The following DIO2 variants were observed in gnomAD, a reference collection of about 807,000 sequenced individuals.
DIO2 encodes the protein iodothyronine deiodinase 2.
Under a neutral mutation model 21.4 loss-of-function variants are expected in DIO2, and 19 were observed. That is an observed-to-expected ratio of 0.89 (90% CI 0.62 to 1.30). The LOEUF is 1.30. Among genes scored for constraint, DIO2 ranks in the 50% most tolerant of loss-of-function variants. DIO2 has a pLI of 0.00. For missense variants in DIO2, 302 were observed against 338.1 expected (o/e 0.89, Z 0.84); for synonymous variants, 122 against 132.9 (o/e 0.92, Z 0.57).
In DIO2 at chr14:80,201,337, T is replaced by C. The variant is rs1330089739; in HGVS notation, c.*1352A>G. The C allele has an allele frequency of 6.6e-6, 1 of 152,178 alleles. No individual in the cohort carries two copies. The highest frequency in any genetic ancestry group is 1.9e-4 in the East Asian group (1 of 5,192). The allele number at this position is 152,178 out of a possible 1,614,324, so 9.4% of individuals were successfully genotyped here. On this transcript the variant is annotated 3_prime_UTR_variant, in exon 2 of 2. Transcript: ENST00000438257. ...CAAAATGATTGATCAGAATTATCTCTAACTTCCTCTTCTTCTATTTTGCAA... is the reference window on the plus strand; with the variant it reads ...CAAAATGATTGATCAGAATTATCTCCAACTTCCTCTTCTTCTATTTTGCAA...
intron 1 of DIO2, 22 bp from the exon 2 acceptor site, chr14:80,203,310 AAG>A (rs1491340287): frequency 1.4e-4 from 192 of 1,388,436 alleles, no homozygotes; most frequent in African/African-American, 4.2e-4. Context: ...AAAAAAAAAA[AAG>A]AAGAAGAAGA....
upstream of DIO2, among the ~76,000 whole-genome samples, chr14:80,212,515 A>T (rs1797655750): frequency 6.6e-6 from 1 of 152,154 alleles, no homozygotes; most frequent in African/African-American, 2.4e-5. Flanking sequence ...TATCATTATC[A>T]TTAATTTATG....
rs756684593 is a variant in DIO2, at chr14:80,211,322, A to T, written c.151T>A (p.Trp51Arg). The T allele has an allele frequency of 6.2e-7, 1 of 1,613,162 alleles. No individual in the cohort carries two copies. The highest frequency in any genetic ancestry group is 1.1e-5 in the South Asian group (1 of 91,042). The change falls in exon 1 of 2, where the codon TGG (tryptophan) becomes AGG (arginine). Residue 51 changes from tryptophan (W) to arginine (R), a missense_variant. Coordinates refer to ENST00000438257, the MANE Select transcript of DIO2 (RefSeq NM_013989.5). ...CCCTCTGAGGTCAGCATGCGCCGCC[A>T]CTCTCCGCGAGTGGACTTGGAGCGG... Reference protein sequence around the residue: ...LSRSKSTRGEWRRMLTSEGLR... With the variant: ...LSRSKSTRGERRRMLTSEGLR...
chr14:80,227,490 A>G (rs1888599938), intron 2 of DIO2, among the ~76,000 whole-genome samples: 1 of 152,238 alleles, frequency 6.6e-6, no homozygotes, highest in Non-Finnish European at 1.5e-5. Context: ...TTGATGACCC[A>G]TAGTCAAACA....
In DIO2 at chr14:80,198,890, T is replaced by C. The variant is rs948387051; in HGVS notation, c.*3799A>G. 6.6e-6 allele frequency: 1 copy of C among 152,152 alleles called. No homozygotes were observed. 9.4% of individuals were successfully genotyped at this position (152,152 alleles called of 1,614,324 possible). A position where few individuals can be genotyped will look rare whatever the true frequency, so the allele number is the denominator to read the frequency against. On this transcript the variant is annotated 3_prime_UTR_variant, in exon 2 of 2. Coordinates refer to ENST00000438257, the MANE Select transcript of DIO2 (RefSeq NM_013989.5). ...CTCTAAATGCTAGTAAAGGTTTTCA[T>C]TAATCCTTCAGTGGGACGGAAGTCA... is the stretch of plus-strand genomic sequence containing the variant.
Position 80,198,718 on chromosome 14 carries a change from T to C in DIO2, c.*3971A>G, listed in dbSNP as rs1403964685. 1 of 150,246 alleles carries C rather than the reference T, an allele frequency of 6.7e-6. No homozygotes were observed. Among genetic ancestry groups the C allele is most frequent in the African/African-American group, 2.5e-5 (1 of 40,724 alleles). The allele number at this position is 150,246 out of a possible 1,614,324, so 9.3% of individuals were successfully genotyped here. ...TCTATTTTTAGAGTGAAGGAGGAAG[T>C]TGGAATCTAACTATATATATTTTAA... On this transcript the variant is annotated 3_prime_UTR_variant, in exon 2 of 2. Transcript: ENST00000438257.
At chr14:80,225,291 C>A (rs1014634446) in intron 2 of DIO2, among the ~76,000 whole-genome samples, 3 of 152,116 alleles carry the variant, frequency 2.0e-5, no homozygotes, top group African/African-American at 7.2e-5. Flanking sequence ...CTCCTGAGAT[C>A]ACACATAGTC....
At chr14:80,206,399 T>C (rs1887959163) in intron 1 of DIO2, 1 of 920,318 alleles carries the variant, frequency 1.1e-6, no homozygotes, top group Non-Finnish European at 1.6e-6. Context: ...TAAAAGAAAA[T>C]ATTCTAAAAG....
intron 2 of DIO2, among the ~76,000 whole-genome samples, chr14:80,228,645 C>T (rs1594884774): frequency 6.6e-6 from 1 of 152,202 alleles, no homozygotes; most frequent in African/African-American, 2.4e-5. Flanking sequence ...ATAGCCCTCA[C>T]CCTACCAGGC....
chr14:80,205,405 T>C (rs1322097125), intron 1 of DIO2, among the ~76,000 whole-genome samples: 1 of 152,198 alleles, frequency 6.6e-6, no homozygotes, highest in African/African-American at 2.4e-5. Flanking sequence ...TGTACACTTG[T>C]AGGTTCTTGA....
chr14:80,222,311 C>T (rs563378889), intron 2 of DIO2, among the ~76,000 whole-genome samples: 3 of 152,134 alleles, frequency 2.0e-5, no homozygotes, highest in Non-Finnish European at 4.4e-5. Context: ...TGATAGCCAA[C>T]GTTATGAGAC....
At position 80,202,288 on chromosome 14, in the gene DIO2, C is replaced by A; in HGVS notation, c.*401G>T. The A allele has an allele frequency of 1.9e-6, 1 of 521,784 alleles. No homozygotes were observed. Among genetic ancestry groups the A allele is most frequent in the Non-Finnish European group, 3.8e-6 (1 of 262,364 alleles). The allele number at this position is 521,784 out of a possible 1,614,324, so 32.3% of individuals were successfully genotyped here. Reference sequence around the variant, plus strand: ...TGGGCTCCATCCATGCCAAATAGAGCCAAGGCAATACCCTTTATCTTAACG... The same window carrying A: ...TGGGCTCCATCCATGCCAAATAGAGACAAGGCAATACCCTTTATCTTAACG... On this transcript the variant is annotated 3_prime_UTR_variant, in exon 2 of 2. Transcript: ENST00000438257.
intron 1 of DIO2, chr14:80,205,501 CCT>C (rs1326776783): frequency 1.4e-5 from 12 of 838,328 alleles, no homozygotes; most frequent in East Asian, 9.8e-5. Flanking sequence ...CCTCTAACCC[CCT>C]GATTCATCCG....
chr14:80,223,700 A>T (rs1055068123), intron 2 of DIO2, among the ~76,000 whole-genome samples: 1 of 152,330 alleles, frequency 6.6e-6, no homozygotes, highest in African/African-American at 2.4e-5. Context: ...TCTCTGAGGG[A>T]ACAGCATATC....
chr14:80,221,880 A>C (rs938160964), intron 2 of DIO2, among the ~76,000 whole-genome samples: 3 of 152,202 alleles, frequency 2.0e-5, no homozygotes, highest in Non-Finnish European at 2.9e-5. Context: ...TTGTCCTACA[A>C]GTAATAATCT....
Position 80,211,257 on chromosome 14 carries a change from G to A in DIO2, c.216C>T (p.Tyr72=). ...CCTTCTCAGCTCAGCTCACCTGTTTGTAGGCATCGAGGAGGAAGCTCTTCC... is the reference window on the plus strand; with the variant it reads ...CCTTCTCAGCTCAGCTCACCTGTTTATAGGCATCGAGGAGGAAGCTCTTCC... The part of the protein sequence containing the change: ...CVWKSFLLDA[Y]KQVKLGEDAP... The change falls in exon 1 of 2, where the codon TAC becomes TAT. Residue 72 remains tyrosine, a synonymous_variant. Transcript: ENST00000438257. The A allele has an allele frequency of 6.2e-7, 1 of 1,609,680 alleles. No homozygotes were observed. Among genetic ancestry groups the A allele is most frequent in the Non-Finnish European group, 8.5e-7 (1 of 1,179,538 alleles).
At position 80,205,476 on chromosome 14, in the gene DIO2, G is replaced by A. The variant is rs147449827; in HGVS notation, c.223-2188C>T. ...TTTGAAACCCATGAACAATTATGTG[G>A]CCTTGACAAATGCGCCTCTAACCCC... On this transcript the variant is annotated intron_variant, in intron 1 of 1. Transcript: ENST00000438257. The A allele has an allele frequency of 2.4e-4, 128 of 524,618 alleles. No individual in the cohort carries two copies. The African/African-American group carries it at 2.5e-3, about 10-fold the overall frequency. 32.5% of individuals were successfully genotyped at this position (524,618 alleles called of 1,614,324 possible).
In DIO2 at chr14:80,197,846, T is replaced by A. The variant is rs1351098984; in HGVS notation, c.*4843A>T. 2.0e-5 allele frequency: 3 copies of A among 152,628 alleles called. No homozygotes were observed. Among genetic ancestry groups the A allele is most frequent in the Non-Finnish European group, 4.4e-5 (3 of 68,044 alleles). The allele number at this position is 152,628 out of a possible 1,614,324, so 9.5% of individuals were successfully genotyped here. A position where few individuals can be genotyped will look rare whatever the true frequency, so the allele number is the denominator to read the frequency against. ...TCAGTAGTTATCATCCGCACACTGGTCAACTCTGCACATCTCTGTCTCCCT... is the reference window on the plus strand; with the variant it reads ...TCAGTAGTTATCATCCGCACACTGGACAACTCTGCACATCTCTGTCTCCCT... On this transcript the variant is annotated 3_prime_UTR_variant, in exon 2 of 2. Coordinates refer to ENST00000438257, the MANE Select transcript of DIO2 (RefSeq NM_013989.5).
rs1015955396 is a variant in DIO2 at position 80,198,655 on chromosome 14, C to G, written c.*4034G>C. 6.6e-6 allele frequency: 1 copy of G among 151,648 alleles called. No individual in the cohort carries two copies. The highest frequency in any genetic ancestry group is 1.5e-5 in the Non-Finnish European group (1 of 68,004). 9.4% of individuals were successfully genotyped at this position (151,648 alleles called of 1,614,324 possible). On this transcript the variant is annotated 3_prime_UTR_variant, in exon 2 of 2. Coordinates refer to ENST00000438257, the MANE Select transcript of DIO2 (RefSeq NM_013989.5). ...TGCAAAGCAGAGATTGGTACTTAAG[C>G]CCCATTCTGGAAGCATATATGAAGA...
Sources: allele counts gnomAD v4.1 joint callset (sites outside exome capture counted in the v4.1 genomes callset), GRCh38; gene constraint gnomAD v4.1.1; transcripts MANE v1.5; gene names NCBI Gene and HGNC (gene_info 2026-07-23, HGNC 2026-07-21).